The following SLC20A2 variants were observed in gnomAD, a reference collection of about 807,000 sequenced individuals.
The protein encoded by SLC20A2 is sodium-dependent phosphate transporter 2.
In SLC20A2, 30 loss-of-function variants were observed where a neutral mutation model predicts 61.0. The observed-to-expected ratio is 0.49, with a 90% CI of 0.37 to 0.67. The LOEUF (loss-of-function observed/expected upper bound fraction) is 0.67, where lower values mean the gene tolerates loss of function less well. Ranked by LOEUF, SLC20A2 falls within the 30% of genes least tolerant of loss-of-function variation. The pLI, the probability that SLC20A2 is intolerant of heterozygous loss-of-function variation, is 0.00. For missense variants in SLC20A2, 626 were observed against 866.4 expected (o/e 0.72, Z 3.48); for synonymous variants, 351 against 353.3 (o/e 0.99, Z 0.07).
intron 8 of SLC20A2, among the ~76,000 whole-genome samples, chr8:42,431,884 CAG>C (rs1239299650): frequency 6.6e-6 from 1 of 152,132 alleles, no homozygotes. Context: ...ACCTACTGCT[CAG>C]AAAAAAATAT....
At chr8:42,480,369 A>G (rs1218809229) in intron 1 of SLC20A2, 1 of 152,244 alleles carries the variant, frequency 6.6e-6, no homozygotes, top group East Asian at 1.9e-4. Flanking sequence ...AAGACGCTTC[A>G]AAACACTACA....
intron 5 of SLC20A2, among the ~76,000 whole-genome samples, chr8:42,448,860 T>G (rs1418994957): frequency 6.6e-6 from 1 of 152,210 alleles, no homozygotes; most frequent in African/African-American, 2.4e-5. Flanking sequence ...GAGAATCAGA[T>G]GAGCACAAGG....
At chr8:42,475,918 A>G (rs1201452858) in intron 1 of SLC20A2, among the ~76,000 whole-genome samples, 1 of 152,038 alleles carries the variant, frequency 6.6e-6, no homozygotes, top group African/African-American at 2.4e-5. Flanking sequence ...GGTGGATTAA[A>G]CATGGGGGTG....
intron 1 of SLC20A2, among the ~76,000 whole-genome samples, chr8:42,492,940 C>T (rs201790667): frequency 3.9e-5 from 6 of 152,202 alleles, no homozygotes; most frequent in African/African-American, 1.2e-4. Flanking sequence ...CTCAGCCTCC[C>T]AAAGTGCTGG....
At chr8:42,429,976 T>C in intron 9 of SLC20A2, 88 bp downstream of exon 9, 1 of 1,199,830 alleles carries the variant, frequency 8.3e-7, no homozygotes, top group Non-Finnish European at 1.1e-6. Context: ...CTGCCAGTGC[T>C]GAGCAGGCCG....
At chr8:42,470,739 G>A (rs1238185167) in intron 2 of SLC20A2, among the ~76,000 whole-genome samples, 1 of 151,968 alleles carries the variant, frequency 6.6e-6, no homozygotes, top group Non-Finnish European at 1.5e-5. Context: ...TTTGAGAGGT[G>A]ATGGTGGGTG....
At chr8:42,497,778 G>C (rs866660331) in intron 1 of SLC20A2, among the ~76,000 whole-genome samples, 2 of 148,384 alleles carry the variant, frequency 1.3e-5, no homozygotes, top group Middle Eastern at 3.4e-3. Flanking sequence ...CCATGAACTA[G>C]ACCCAGAACC....
At chr8:42,494,144 C>CTAA in intron 1 of SLC20A2, among the ~76,000 whole-genome samples, 1 of 152,014 alleles carries the variant, frequency 6.6e-6, no homozygotes, top group East Asian at 1.9e-4. Flanking sequence ...TGTCTCAAAA[C>CTAA]TAATAATAAT....
At chr8:42,450,936 C>T (rs761957778) in intron 5 of SLC20A2, among the ~76,000 whole-genome samples, 1 of 152,172 alleles carries the variant, frequency 6.6e-6, no homozygotes, top group Non-Finnish European at 1.5e-5. Context: ...CTCTTCTCAC[C>T]CCAGGGCTTC....
chr8:42,429,478 CAG>C (rs1470286946), intron 9 of SLC20A2, among the ~76,000 whole-genome samples: 1 of 152,308 alleles, frequency 6.6e-6, no homozygotes, highest in Middle Eastern at 3.4e-3. Context: ...TTTAAAAAGA[CAG>C]AGATTTCCTA....
intron 1 of SLC20A2, among the ~76,000 whole-genome samples, chr8:42,512,246 A>AT (rs1811072522): frequency 6.6e-6 from 1 of 152,030 alleles, no homozygotes. Flanking sequence ...ACAACTGAAA[A>AT]TTATCCTTTT....
At chr8:42,492,810 T>A (rs1809624043) in intron 1 of SLC20A2, among the ~76,000 whole-genome samples, 1 of 152,020 alleles carries the variant, frequency 6.6e-6, no homozygotes, top group South Asian at 2.1e-4. Context: ...CCCAAGTAGC[T>A]GGGACTACAG....
intron 3 of SLC20A2, among the ~76,000 whole-genome samples, chr8:42,465,457 G>A (rs1193635644): frequency 6.6e-6 from 1 of 151,736 alleles, no homozygotes; most frequent in East Asian, 2.0e-4. Flanking sequence ...TCTTTGGGAG[G>A]CTAAGGCAGG....
chr8:42,535,507 G>A (rs1322826282), intron 1 of SLC20A2, among the ~76,000 whole-genome samples: 1 of 152,112 alleles, frequency 6.6e-6, no homozygotes, highest in Non-Finnish European at 1.5e-5. Context: ...AAACTTAAAA[G>A]GGCATCACAG....
intron 1 of SLC20A2, among the ~76,000 whole-genome samples, chr8:42,528,957 G>T (rs1430976291): frequency 2.9e-5 from 4 of 135,966 alleles, no homozygotes; most frequent in South Asian, 2.5e-4. Context: ...ATGAGCCACC[G>T]AGCCCGGCCT....
chr8:42,449,040 T>C (rs1805453413), intron 5 of SLC20A2, among the ~76,000 whole-genome samples: 1 of 152,008 alleles, frequency 6.6e-6, no homozygotes, highest in South Asian at 2.1e-4. Context: ...AGGCAAACGG[T>C]TTTTCTCCTA....
intron 1 of SLC20A2, among the ~76,000 whole-genome samples, chr8:42,497,346 C>T (rs772844126): frequency 6.6e-6 from 1 of 152,194 alleles, no homozygotes; most frequent in Non-Finnish European, 1.5e-5. Context: ...CAAATGTCAA[C>T]GTGCACCAGA....
intron 8 of SLC20A2, among the ~76,000 whole-genome samples, chr8:42,432,089 C>T (rs1213408076): frequency 2.0e-5 from 3 of 152,168 alleles, no homozygotes; most frequent in Non-Finnish European, 4.4e-5. Context: ...GCTAGAGCTG[C>T]CATAGATAGT....
intron 5 of SLC20A2, among the ~76,000 whole-genome samples, chr8:42,449,284 C>T (rs1212017663): frequency 6.6e-6 from 1 of 152,076 alleles, no homozygotes; most frequent in Non-Finnish European, 1.5e-5. Flanking sequence ...TCTGGGTCTC[C>T]GTTCTCGGTT....
Sources: gnomAD v4.1 joint callset for allele counts (sites outside exome capture counted in the v4.1 genomes callset) on GRCh38, gnomAD v4.1.1 for gene constraint, MANE v1.5 for transcripts, NCBI Gene and HGNC (gene_info 2026-07-23, HGNC 2026-07-21) for gene names.